PTPRD: variants seen among roughly 807,000 people sequenced by gnomAD.
The protein encoded by PTPRD is receptor-type tyrosine-protein phosphatase delta.
PTPRD carries 34 observed loss-of-function variants against 214.5 expected under a neutral mutation model. That is an observed-to-expected ratio of 0.16 (90% CI 0.12 to 0.21). The LOEUF (loss-of-function observed/expected upper bound fraction) is 0.21. Ranked by LOEUF, PTPRD falls within the 10% of genes least tolerant of loss-of-function variation. The pLI, the probability that PTPRD is intolerant of heterozygous loss-of-function variation, is 1.00. For missense variants in PTPRD, 2,545 were observed against 2,398.7 expected (o/e 1.06, Z -1.27); for synonymous variants, 1,128 against 845.7 (o/e 1.33, Z -5.79).
rs147219572 is a variant in PTPRD at position 8,797,945 on chromosome 9, T to C, written c.-103-63999A>G. 2.4e-4 allele frequency among the ~76,000 whole-genome samples: 37 copies of C among 152,046 alleles called. No individual in the cohort carries two copies. The East Asian group carries it at 7.2e-3, about 30-fold the overall frequency. Reference sequence around the variant, plus strand: ...AGTGCAGTGGCAAAGATCATAGCTCTCTGCAGCCTCGAACTCCTGGACTCA... The same window carrying C: ...AGTGCAGTGGCAAAGATCATAGCTCCCTGCAGCCTCGAACTCCTGGACTCA... On this transcript the variant is annotated intron_variant, in intron 11 of 45. Coordinates refer to ENST00000381196, the MANE Select transcript of PTPRD (RefSeq NM_002839.4).
At chr9:8,635,105 T>C (rs1317589684) in intron 13 of PTPRD, among the ~76,000 whole-genome samples, 2 of 148,238 alleles carry the variant, frequency 1.3e-5, no homozygotes, top group African/African-American at 2.5e-5. Flanking sequence ...GTGTTAAATA[T>C]AGTAAAGATT....
chr9:8,647,130 T>C lies in PTPRD; in HGVS notation c.65-10286A>G, dbSNP rs186887178. On this transcript the variant is annotated intron_variant, in intron 12 of 45. Transcript: ENST00000381196. ...GATTACAGATTCATGTGTATCATCA[T>C]AGGACTGAAGTTTAGATGAAGCATA... Among the ~76,000 whole-genome samples, 38 of 152,342 alleles carry C rather than the reference T, an allele frequency of 2.5e-4. No individual in the cohort carries two copies. The South Asian group carries it at 6.0e-3, about 24-fold the overall frequency.
chr9:9,112,008 A>G (rs1345378872), intron 10 of PTPRD, among the ~76,000 whole-genome samples: 1 of 152,060 alleles, frequency 6.6e-6, no homozygotes, highest in Non-Finnish European at 1.5e-5. Context: ...GGCTCCAACA[A>G]TTTGTGGCTA....
intron 2 of PTPRD, among the ~76,000 whole-genome samples, chr9:10,446,065 GA>G (rs1273854777): frequency 2.0e-5 from 3 of 151,924 alleles, no homozygotes; most frequent in African/African-American, 7.3e-5. Context: ...CCAGAGCGGG[GA>G]AGTACCCAAA....
chr9:8,921,185 T>A (rs1416354450), intron 11 of PTPRD, among the ~76,000 whole-genome samples: 1 of 152,200 alleles, frequency 6.6e-6, no homozygotes, highest in Non-Finnish European at 1.5e-5. Flanking sequence ...AGGCTATTCA[T>A]TGACACATTA....
At chr9:9,175,613 ACT>A (rs1233481975) in intron 10 of PTPRD, among the ~76,000 whole-genome samples, 1 of 106,744 alleles carries the variant, frequency 9.4e-6, no homozygotes, top group Non-Finnish European at 1.8e-5. Flanking sequence ...ACAGAGTGAG[ACT>A]CTGTCTCAAA....
chr9:8,937,228 C>T (rs1567119193), intron 11 of PTPRD, among the ~76,000 whole-genome samples: 1 of 152,040 alleles, frequency 6.6e-6, no homozygotes, highest in East Asian at 1.9e-4. Context: ...ATGAGCATCA[C>T]AGGAGGCATG....
intron 12 of PTPRD, among the ~76,000 whole-genome samples, chr9:8,647,649 T>A (rs2096723563): frequency 6.6e-6 from 1 of 152,218 alleles, no homozygotes; most frequent in African/African-American, 2.4e-5. Context: ...CTCCTACATG[T>A]AAAATTACTG....
intron 3 of PTPRD, among the ~76,000 whole-genome samples, chr9:10,147,102 G>A (rs1425501282): frequency 6.6e-6 from 1 of 152,038 alleles, no homozygotes. Context: ...TTACTTACAG[G>A]GGACACTATA....
Position 9,514,216 on chromosome 9 carries a change from G to A in PTPRD, c.-237+60516C>T, listed in dbSNP as rs565086701. Among the ~76,000 whole-genome samples, 94 of 152,128 alleles carry A rather than the reference G, an allele frequency of 6.2e-4. 2 individuals carry two copies. The highest frequency in any genetic ancestry group is 2.1e-3 in the African/African-American group (86 of 41,526). On this transcript the variant is annotated intron_variant, in intron 8 of 45. Transcript: ENST00000381196. ...TCCCCTGGAATAAAATTTCCCTCCT[G>A]GTTAGGGCTCTGCATCAGCTTCATG... is the stretch of plus-strand genomic sequence containing the variant.
intron 11 of PTPRD, among the ~76,000 whole-genome samples, chr9:8,884,613 G>C (rs190379985): frequency 6.6e-6 from 1 of 152,276 alleles, no homozygotes; most frequent in Admixed American, 6.5e-5. Flanking sequence ...TATTCCGAAA[G>C]TTTCTGTTCT....
chr9:8,968,069 A>C (rs554969076), intron 11 of PTPRD, among the ~76,000 whole-genome samples: 95 of 151,906 alleles, frequency 6.3e-4, no homozygotes, highest in African/African-American at 2.2e-3. Flanking sequence ...CCATGTCCCT[A>C]CAAAGGACAT....
intron 7 of PTPRD, among the ~76,000 whole-genome samples, chr9:9,672,568 AC>A (rs2096851877): frequency 6.6e-6 from 1 of 152,128 alleles, no homozygotes; most frequent in South Asian, 2.1e-4. Flanking sequence ...AACCAATTTA[AC>A]CTTAAAGCTC....
intron 40 of PTPRD, 117 bp downstream of exon 40, chr9:8,341,576 G>A (rs1339011681): frequency 8.4e-7 from 1 of 1,196,362 alleles, no homozygotes; most frequent in Non-Finnish European, 1.2e-6. Flanking sequence ...ACACCTGAGG[G>A]AAAGGTCAAA....
rs1218197876 is a variant in PTPRD at position 8,404,634 on chromosome 9, A to C, written c.4113T>G (p.Thr1371=). 1.9e-6 allele frequency: 3 copies of C among 1,612,354 alleles called. No individual in the cohort carries two copies. Among genetic ancestry groups the C allele is most frequent in the East Asian group, 2.2e-5 (1 of 44,764 alleles). ...TTACTTCCAAGTTTGAATGTTCCCA[A>C]GTGAACTGCTGGCCAGGGTCAATTG... ...YESIDPGQQF[T]WEHSNLEVNK... The change falls in exon 36 of 46, where the codon ACT becomes ACG. Residue 1371 remains threonine (T), a synonymous_variant. Transcript: ENST00000381196.
intron 8 of PTPRD, among the ~76,000 whole-genome samples, chr9:9,540,242 C>T (rs1183133204): frequency 7.1e-6 from 1 of 140,894 alleles, no homozygotes; most frequent in Non-Finnish European, 1.6e-5. Flanking sequence ...GTTACTCACA[C>T]AGTCATTCAT....
At chr9:10,043,414 G>A (rs1263513354) in intron 3 of PTPRD, among the ~76,000 whole-genome samples, 5 of 151,792 alleles carry the variant, frequency 3.3e-5, no homozygotes, top group Non-Finnish European at 5.9e-5. Context: ...TATCTATGGG[G>A]AGTATTGCAG....
At position 8,625,306 on chromosome 9, in the gene PTPRD, C is replaced by T. The variant is rs562867311; in HGVS notation, c.352+8011G>A. 2.2e-4 allele frequency among the ~76,000 whole-genome samples: 33 copies of T among 151,868 alleles called. 1 individual carries two copies. In the East Asian group the frequency reaches 3.7e-3, roughly 17 times the overall value. ...TAACTAGCTTTATTAAAAGCCATCA[C>T]GTTTTTATGAGCACATACTTTTCTA... On this transcript the variant is annotated intron_variant, in intron 14 of 45. Coordinates refer to ENST00000381196, the MANE Select transcript of PTPRD (RefSeq NM_002839.4).
intron 34 of PTPRD, among the ~76,000 whole-genome samples, chr9:8,444,438 C>G (rs1361339288): frequency 6.6e-6 from 1 of 151,892 alleles, no homozygotes; most frequent in Non-Finnish European, 1.5e-5. Flanking sequence ...CAAATTAATT[C>G]TGGAAAGGTA....
Sources: allele counts gnomAD v4.1 joint callset (sites outside exome capture counted in the v4.1 genomes callset), GRCh38; gene constraint gnomAD v4.1.1; transcripts MANE v1.5; gene names NCBI Gene and HGNC (gene_info 2026-07-23, HGNC 2026-07-21).